Variants in DNAAF11 observed in about 807,000 individuals in gnomAD.
DNAAF11 encodes leucine rich repeat containing 6.
In DNAAF11, 45 loss-of-function variants were observed where a neutral mutation model predicts 60.8. That is an observed-to-expected ratio of 0.74 (90% CI 0.58 to 0.95). DNAAF11 has a LOEUF of 0.95. DNAAF11 is among the 40% of genes least tolerant of loss of function. DNAAF11 has a pLI of 0.00. For missense variants in DNAAF11, 546 were observed against 546.2 expected (o/e 1.00, Z 0.00); for synonymous variants, 191 against 183.5 (o/e 1.04, Z -0.33).
chr8:132,621,850 C>T (rs1356123288), intron 7 of DNAAF11, among the ~76,000 whole-genome samples: 2 of 152,120 alleles, frequency 1.3e-5, no homozygotes, highest in Non-Finnish European at 2.9e-5. Context: ...AGGTTCTGGA[C>T]ATGTAAAAAA....
chr8:132,598,628 G>T (rs908948529), intron 10 of DNAAF11, among the ~76,000 whole-genome samples: 4 of 152,172 alleles, frequency 2.6e-5, no homozygotes, highest in African/African-American at 9.7e-5. Context: ...TTTGTGCAGT[G>T]GGTATACATG....
rs749435096 is a variant in DNAAF11, at chr8:132,656,852, A to C, written c.234T>G (p.Ile78Met). Residue 78 changes from isoleucine (I) to methionine (M), a missense_variant, in exon 3 of 12, where the codon ATT becomes ATG. By Grantham distance (10) the Ile-to-Met change is conservative. Coordinates refer to ENST00000620350, the MANE Select transcript of DNAAF11 (RefSeq NM_012472.6). ...TACCTTCCAAGTTTTCTATTTTTTC[A>C]ATGTTGTTTAAAGCTAAATTCAAAT... is the stretch of plus-strand genomic sequence containing the variant. ...LEYLNLALNNIEKIENLEGCE... is the reference protein window; with the variant it reads ...LEYLNLALNNMEKIENLEGCE... 90 of 1,359,382 alleles carry C rather than the reference A, an allele frequency of 6.6e-5. 2 individuals carry two copies. In the Middle Eastern group the frequency reaches 1.1e-3, roughly 17 times the overall value. 84.2% of individuals were successfully genotyped at this position (1,359,382 alleles called of 1,614,324 possible).
intron 10 of DNAAF11, among the ~76,000 whole-genome samples, chr8:132,603,712 A>C (rs1391240764): frequency 2.0e-5 from 3 of 151,980 alleles, no homozygotes; most frequent in Non-Finnish European, 2.9e-5. Flanking sequence ...AATGAAGTGG[A>C]CCAGGGCGGT....
At chr8:132,659,944 A>G (rs572850599) in intron 2 of DNAAF11, among the ~76,000 whole-genome samples, 9 of 152,308 alleles carry the variant, frequency 5.9e-5, no homozygotes, top group African/African-American at 2.2e-4. Context: ...ACAACCAAAA[A>G]TATCTCCAGA....
At position 132,571,639 on chromosome 8, in the gene DNAAF11, T is replaced by G. The variant is rs1586430836; in HGVS notation, c.*667A>C. On this transcript the variant is annotated 3_prime_UTR_variant, in exon 12 of 12. Coordinates refer to ENST00000620350, the MANE Select transcript of DNAAF11 (RefSeq NM_012472.6). Reference sequence around the variant, plus strand: ...AGAGAGAGAAGAGGCTCTAAATGTATGGCTGACACTGTACTAAGTGCTTTC... The same window carrying G: ...AGAGAGAGAAGAGGCTCTAAATGTAGGGCTGACACTGTACTAAGTGCTTTC... Among the ~76,000 whole-genome samples the G allele has an allele frequency of 6.6e-6, 1 of 152,156 alleles. No individual in the cohort carries two copies. Among genetic ancestry groups the G allele is most frequent in the Middle Eastern group, 3.4e-3 (1 of 294 alleles).
chr8:132,668,375 G>A (rs1824843683), intron 1 of DNAAF11, among the ~76,000 whole-genome samples: 1 of 152,180 alleles, frequency 6.6e-6, no homozygotes, highest in African/African-American at 2.4e-5. Flanking sequence ...TATGATGAGT[G>A]CACAGGAGAC....
chr8:132,613,551 C>T (rs1267027088), intron 8 of DNAAF11, among the ~76,000 whole-genome samples: 1 of 152,080 alleles, frequency 6.6e-6, no homozygotes, highest in Non-Finnish European at 1.5e-5. Context: ...TGCTTAAGGA[C>T]CATGGGGTTT....
chr8:132,629,329 G>A (rs1005094205), intron 5 of DNAAF11, among the ~76,000 whole-genome samples: 1 of 150,430 alleles, frequency 6.6e-6, no homozygotes, highest in Non-Finnish European at 1.5e-5. Context: ...ACAAGATACA[G>A]ATACCCATTC....
Position 132,581,702 on chromosome 8 carries a change from C to G in DNAAF11, c.1226+1992G>C, listed in dbSNP as rs147360039. Among the ~76,000 whole-genome samples the G allele has an allele frequency of 8.9e-3, 1,283 of 144,904 alleles. 20 individuals are homozygous for G. The highest frequency in any genetic ancestry group is 0.031 in the African/African-American group (1,203 of 39,424). On this transcript the variant is annotated intron_variant, in intron 11 of 11. Transcript: ENST00000620350. ...AAAAAAAGAAGAAGAAGAAGAAGAACAAGCCTGAGGTTTCATAATCCTGGT... is the reference window on the plus strand; with the variant it reads ...AAAAAAAGAAGAAGAAGAAGAAGAAGAAGCCTGAGGTTTCATAATCCTGGT...
At chr8:132,682,073 AATTATTATAC>A in the DNAAF11 span, among the ~76,000 whole-genome samples, 1 of 152,180 alleles carries the variant, frequency 6.6e-6, no homozygotes, top group Non-Finnish European at 1.5e-5. Flanking sequence ...CATGACAACA[AATTATTATAC>A]ATTCTTTTCA....
intron 10 of DNAAF11, among the ~76,000 whole-genome samples, chr8:132,593,338 T>TATATAC: frequency 7.2e-6 from 1 of 138,914 alleles, no homozygotes; most frequent in South Asian, 2.2e-4. Flanking sequence ...CATACATATA[T>TATATAC]ATATATATAT....
At chr8:132,685,720 C>T in the DNAAF11 span, among the ~76,000 whole-genome samples, 2 of 152,192 alleles carry the variant, frequency 1.3e-5, no homozygotes, top group Non-Finnish European at 2.9e-5. Context: ...CTTTCATTGC[C>T]TTAATGAAGA....
the DNAAF11 span, among the ~76,000 whole-genome samples, chr8:132,694,985 A>C: frequency 2.6e-5 from 4 of 152,216 alleles, no homozygotes; most frequent in Non-Finnish European, 4.4e-5. Context: ...GCCAAGTGGG[A>C]AAAGTGCTTT....
chr8:132,675,329 G>A, intron 1 of DNAAF11, 155 bp downstream of exon 1: 4 of 714,230 alleles, frequency 5.6e-6, no homozygotes, highest in Admixed American at 2.9e-5. Flanking sequence ...TGGTGCAGCC[G>A]GGGCTGCGGT....
upstream of DNAAF11, among the ~76,000 whole-genome samples, chr8:132,677,067 T>G (rs1277902902): frequency 6.6e-6 from 1 of 152,168 alleles, no homozygotes; most frequent in Non-Finnish European, 1.5e-5. Flanking sequence ...CTTCTCTATT[T>G]CCACATGATG....
chr8:132,687,981 A>G, the DNAAF11 span, among the ~76,000 whole-genome samples: 98 of 152,334 alleles, frequency 6.4e-4, 1 homozygote, highest in South Asian at 8.9e-3. Context: ...ACAATGAAGC[A>G]ATATAAAAAT....
rs374033769 is a variant in DNAAF11 at position 132,584,374 on chromosome 8, AT to A, written c.1141-596del. The stretch of plus-strand genomic sequence containing the variant: ...ATTCAACAAACATACTGCAAAAATT[AT>A]TGAGACCCAGTACCTCCTCTCAAGG... On this transcript the variant is annotated intron_variant, in intron 10 of 11. Transcript: ENST00000620350. Among the ~76,000 whole-genome samples, 603 of 152,310 alleles carry A rather than the reference AT, an allele frequency of 4.0e-3. 11 individuals are homozygous for A. The highest frequency in any genetic ancestry group is 0.014 in the African/African-American group (582 of 41,572).
chr8:132,606,087 T>C (rs1394786361), intron 10 of DNAAF11, among the ~76,000 whole-genome samples: 1 of 145,962 alleles, frequency 6.9e-6, no homozygotes, highest in African/African-American at 2.7e-5. Flanking sequence ...TCCTATTGCC[T>C]ACTGACACTG....
Position 132,611,293 on chromosome 8 carries a change from C to T in DNAAF11, c.1044+1G>A, listed in dbSNP as rs1234742897. 5.0e-6 allele frequency: 8 copies of T among 1,607,734 alleles called. No individual in the cohort carries two copies. The highest frequency in any genetic ancestry group is 6.8e-6 in the Non-Finnish European group (8 of 1,174,600). On this transcript the variant is annotated splice_donor_variant, in intron 9 of 11. Coordinates refer to ENST00000620350, the MANE Select transcript of DNAAF11 (RefSeq NM_012472.6). LOFTEE classifies it high-confidence loss of function. The stretch of plus-strand genomic sequence containing the variant: ...GTAATAGCCTACAGGGTTCTACTTA[C>T]CTTTCCTTTGATCATTACTCGCACG...
Sources: allele counts gnomAD v4.1 joint callset (sites outside exome capture counted in the v4.1 genomes callset), GRCh38; gene constraint gnomAD v4.1.1; transcripts MANE v1.5; gene names NCBI Gene and HGNC (gene_info 2026-07-23, HGNC 2026-07-21).